The following UNC5D variants were observed in gnomAD, a reference collection of about 807,000 sequenced individuals.
The protein encoded by UNC5D is netrin receptor UNC5D.
A neutral mutation model predicts 105.4 loss-of-function variants in UNC5D; 39 were observed. The ratio of observed to expected loss-of-function variants is 0.37; its 90% CI spans 0.29 to 0.48. The LOEUF is 0.48. Ranked by LOEUF, UNC5D falls within the 20% of genes least tolerant of loss-of-function variation. The pLI is 0.98. For synonymous variants in UNC5D, 452 were observed against 450.4 expected, an observed-to-expected ratio of 1.00 and a Z score of -0.04; for missense variants, 991 against 1,202.4, an observed-to-expected ratio of 0.82 and a Z score of 2.60.
chr8:35,272,370 C>A (rs1332355453), intron 1 of UNC5D, among the ~76,000 whole-genome samples: 2 of 152,096 alleles, frequency 1.3e-5, no homozygotes, highest in African/African-American at 4.8e-5. Flanking sequence ...ACTGGTCACA[C>A]CCTGGGCATC....
At chr8:35,746,069 G>C (rs894411726) in intron 11 of UNC5D, among the ~76,000 whole-genome samples, 1 of 151,822 alleles carries the variant, frequency 6.6e-6, no homozygotes, top group African/African-American at 2.4e-5. Flanking sequence ...ATTACCCCTG[G>C]ACTATATTGT....
rs1277233955 is a variant in UNC5D, at chr8:35,512,555, A to G, written c.104-36737A>G. 2.2e-5 allele frequency among the ~76,000 whole-genome samples: 2 copies of G among 90,730 alleles called. 1 individual carries two copies. The highest frequency in any genetic ancestry group is 1.0e-4 in the African/African-American group (2 of 19,228). 59.5% of individuals were successfully genotyped at this position (90,730 alleles called of 152,430 possible). A position where few individuals can be genotyped will look rare whatever the true frequency, so the allele number is the denominator to read the frequency against. ...GATATGTATGTATATATATATATAT[A>G]TATATATATATATATCTGAATAGAT... On this transcript the variant is annotated intron_variant, in intron 1 of 16. Coordinates refer to ENST00000404895, the MANE Select transcript of UNC5D (RefSeq NM_080872.4).
chr8:35,602,738 G>T (rs1046659840), intron 4 of UNC5D, among the ~76,000 whole-genome samples: 3 of 151,332 alleles, frequency 2.0e-5, no homozygotes, highest in African/African-American at 7.3e-5. Context: ...TTTTGTAATT[G>T]TACTTTAAGT....
In UNC5D at chr8:35,723,565, T is replaced by G. The variant is rs113184292; in HGVS notation, c.1303+1170T>G. ...CACATGCCACCACACCAAGCTAAGT[T>G]TTTGTTTTATTTTTATTTTTTATAG... is the stretch of plus-strand genomic sequence containing the variant. On this transcript the variant is annotated intron_variant, in intron 9 of 16. Transcript: ENST00000404895. 6.0e-3 allele frequency among the ~76,000 whole-genome samples: 905 copies of G among 151,942 alleles called. 11 individuals carry two copies. Among genetic ancestry groups the G allele is most frequent in the African/African-American group, 0.021 (873 of 41,442 alleles).
chr8:35,475,212 T>A (rs1585927691), intron 1 of UNC5D, among the ~76,000 whole-genome samples: 2 of 152,300 alleles, frequency 1.3e-5, no homozygotes, highest in Middle Eastern at 3.4e-3. Flanking sequence ...ACTATCAGTA[T>A]CAGTCAAATT....
intron 9 of UNC5D, among the ~76,000 whole-genome samples, chr8:35,725,562 C>T (rs879758955): frequency 1.3e-5 from 2 of 152,092 alleles, no homozygotes; most frequent in African/African-American, 4.8e-5. Context: ...ATTGGCTACT[C>T]AGATGTGGTG....
At chr8:35,659,584 G>T (rs1361678216) in intron 4 of UNC5D, among the ~76,000 whole-genome samples, 1 of 152,162 alleles carries the variant, frequency 6.6e-6, no homozygotes, top group East Asian at 1.9e-4. Flanking sequence ...AATCTTTAAG[G>T]TTAATTTGTG....
At chr8:35,432,127 T>G (rs185168714) in intron 1 of UNC5D, among the ~76,000 whole-genome samples, 16 of 152,286 alleles carry the variant, frequency 1.1e-4, no homozygotes, top group Admixed American at 3.3e-4. Context: ...TGTGTGACCT[T>G]AGGTAAGTTA....
At chr8:35,412,786 G>A (rs1440038337) in intron 1 of UNC5D, among the ~76,000 whole-genome samples, 1 of 152,054 alleles carries the variant, frequency 6.6e-6, no homozygotes, top group East Asian at 1.9e-4. Context: ...TGTGGGAGAT[G>A]GCTCCAGTGC....
chr8:35,774,254 T>C (rs1183069199), intron 15 of UNC5D, 45 bp from the exon 16 acceptor site: 1 of 1,605,912 alleles, frequency 6.2e-7, no homozygotes, highest in Non-Finnish European at 8.5e-7. Context: ...TGGTCAGGAC[T>C]GCTTTCAGAT....
At chr8:35,458,760 T>A (rs1808670468) in intron 1 of UNC5D, among the ~76,000 whole-genome samples, 1 of 152,158 alleles carries the variant, frequency 6.6e-6, no homozygotes, top group Non-Finnish European at 1.5e-5. Flanking sequence ...CAGATTTTAC[T>A]GGGTTTTCCT....
rs1805355455 is a variant in UNC5D at position 35,271,661 on chromosome 8, T to TTATACAGGTATACATATATATG, written c.103+35781_103+35802dup. Among the ~76,000 whole-genome samples the TTATACAGGTATACATATATATG allele has an allele frequency of 3.4e-4, 42 of 122,034 alleles. 1 individual carries two copies. Among genetic ancestry groups the TTATACAGGTATACATATATATG allele is most frequent in the Admixed American group, 2.9e-3 (36 of 12,350 alleles). 80.1% of individuals were successfully genotyped at this position (122,034 alleles called of 152,430 possible). ...ATGTATACCATATGTATACCTATAT[T>TTATACAGGTATACATATATATG]TATACAGGTATACATATATATGTAT... is the stretch of plus-strand genomic sequence containing the variant. On this transcript the variant is annotated intron_variant, in intron 1 of 16. Transcript: ENST00000404895.
intron 16 of UNC5D, among the ~76,000 whole-genome samples, chr8:35,785,535 T>C (rs1802705538): frequency 6.6e-6 from 1 of 152,216 alleles, no homozygotes; most frequent in Middle Eastern, 3.4e-3. Context: ...AATTTTTATA[T>C]TTTTAGAAGA....
intron 14 of UNC5D, among the ~76,000 whole-genome samples, chr8:35,766,526 A>AAGT (rs1420760680): frequency 3.3e-5 from 5 of 152,196 alleles, no homozygotes; most frequent in Non-Finnish European, 5.9e-5. Flanking sequence ...CCCCAGACCG[A>AAGT]AGTAGAAGCA....
rs187677252 is a variant in UNC5D, at chr8:35,791,914, C to T, written c.*1351C>T. 2.0e-5 allele frequency: 3 copies of T among 152,148 alleles called. No individual in the cohort carries two copies. The highest frequency in any genetic ancestry group is 1.3e-4 in the Admixed American group (2 of 15,252). 9.4% of individuals were successfully genotyped at this position (152,148 alleles called of 1,614,324 possible). On this transcript the variant is annotated 3_prime_UTR_variant, in exon 17 of 17. Transcript: ENST00000404895. ...ATGACCCTCATCTTATCACTTTACT[C>T]CATCTTTTTATCCTATTAAATTATT...
intron 1 of UNC5D, among the ~76,000 whole-genome samples, chr8:35,270,992 G>T (rs1051708842): frequency 2.6e-5 from 4 of 151,578 alleles, no homozygotes; most frequent in Non-Finnish European, 5.9e-5. Context: ...TTTCTCATCA[G>T]CAGAGCACAT....
At chr8:35,424,230 T>C (rs1002624667) in intron 1 of UNC5D, among the ~76,000 whole-genome samples, 22 of 152,238 alleles carry the variant, frequency 1.4e-4, no homozygotes, top group African/African-American at 5.3e-4. Flanking sequence ...ATATAATAGC[T>C]ATAAGCCACA....
chr8:35,443,358 A>T (rs1807562999), intron 1 of UNC5D, among the ~76,000 whole-genome samples: 1 of 151,704 alleles, frequency 6.6e-6, no homozygotes, highest in African/African-American at 2.4e-5. Flanking sequence ...TGTGGGAGTC[A>T]CAGACTCCCA....
At chr8:35,621,756 T>A (rs1203207763) in intron 4 of UNC5D, among the ~76,000 whole-genome samples, 1 of 152,174 alleles carries the variant, frequency 6.6e-6, no homozygotes, top group African/African-American at 2.4e-5. Flanking sequence ...GTAGAGAGCC[T>A]GCTAAAGCAT....
Sources: gnomAD v4.1 joint callset for allele counts (sites outside exome capture counted in the v4.1 genomes callset) on GRCh38, gnomAD v4.1.1 for gene constraint, MANE v1.5 for transcripts, NCBI Gene and HGNC (gene_info 2026-07-23, HGNC 2026-07-21) for gene names.